Variants in RHOT2 observed in about 807,000 individuals in gnomAD.
The protein encoded by RHOT2 is mitochondrial Rho GTPase 2.
RHOT2 carries 90 observed loss-of-function variants against 81.6 expected under a neutral mutation model. The observed-to-expected ratio is 1.10, with a 90% confidence interval of 0.93 to 1.31. The LOEUF (loss-of-function observed/expected upper bound fraction) is 1.31. RHOT2 is among the 40% of genes most tolerant of loss of function. RHOT2 has a pLI of 0.00. For synonymous variants in RHOT2, 512 were observed against 370.9 expected, an observed-to-expected ratio of 1.38 and a Z score of -4.37; for missense variants, 1,014 against 841.9, an observed-to-expected ratio of 1.20 and a Z score of -2.53.
chr16:668,669 G>T lies in RHOT2; in HGVS notation c.192G>T (p.Thr64=), dbSNP rs1331737616. Residue 64 remains threonine (T), a synonymous_variant, in exon 4 of 19, where the codon ACG becomes ACT. Transcript: ENST00000315082. ...HIVDYSEAEQ[T]DEELREEIHK... ...TTGTCCCCCTAGAAGCCGAGCAGACGGACGAGGAGCTGCGGGAGGAGATCC... is the reference window on the plus strand; with the variant it reads ...TTGTCCCCCTAGAAGCCGAGCAGACTGACGAGGAGCTGCGGGAGGAGATCC... 4 of 1,605,572 alleles carry T rather than the reference G, an allele frequency of 2.5e-6. No individual in the cohort carries two copies. The highest frequency in any genetic ancestry group is 1.3e-5 in the African/African-American group (1 of 74,346).
chr16:669,997 C>G (rs567287289), intron 5 of RHOT2, 126 bp from the exon 6 acceptor site: 4 of 846,396 alleles, frequency 4.7e-6, no homozygotes, highest in East Asian at 2.7e-5. Context: ...GTTCCTGTGG[C>G]CGGGACTTGG....
At chr16:671,804 G>GGCCCGGGCCCCGCC in intron 12 of RHOT2, 23 bp downstream of exon 12, 1 of 1,592,514 alleles carries the variant, frequency 6.3e-7, no homozygotes, top group Non-Finnish European at 8.6e-7. Context: ...CGAGTCCCCT[G>GGCCCGGGCCCCGCC]CCCCTGCCCC....
Position 668,479 on chromosome 16 carries a change from C to T in RHOT2, c.97-9C>T, listed in dbSNP as rs750831280. The T allele has an allele frequency of 5.0e-5, 80 of 1,600,098 alleles. No homozygotes were observed. Among genetic ancestry groups the T allele is most frequent in the Non-Finnish European group, 6.3e-5 (74 of 1,174,646 alleles). Reference sequence around the variant, plus strand: ...GGGGGTCCCTGGTGAGCGCGCGGGTCCCTTGCAGGTCCCTCCCCGCGCGGA... The same window carrying T: ...GGGGGTCCCTGGTGAGCGCGCGGGTTCCTTGCAGGTCCCTCCCCGCGCGGA... On this transcript the variant is annotated splice_polypyrimidine_tract_variant and intron_variant, in intron 2 of 18. Transcript: ENST00000315082.
chr16:670,216 CCTGCCCCTG>C, intron 6 of RHOT2, 24 bp from the exon 7 acceptor site: 2 of 1,611,724 alleles, frequency 1.2e-6, no homozygotes, highest in South Asian at 2.2e-5. Context: ...CCCTGGCTCC[CCTGCCCCTG>C]GTGACCATGG....
rs140104642 is a variant in RHOT2, at chr16:670,945, G to A, written c.693G>A (p.Thr231=). ...LAPQALEDVK[T]VVCRNVAGGV... ...CGCAGGCCCTGGAGGACGTGAAGAC[G>A]GTGGTGTGCAGGAACGTGGCGGGCG... Residue 231 remains threonine, a synonymous_variant, in exon 10 of 19, where the codon ACG becomes ACA. Transcript: ENST00000315082. The A allele has an allele frequency of 4.2e-4, 656 of 1,571,668 alleles. 2 individuals carry two copies. The African/African-American group carries it at 6.5e-3, about 16-fold the overall frequency.
At position 668,470 on chromosome 16, in the gene RHOT2, C is replaced by T. The variant is rs913206477; in HGVS notation, c.97-18C>T. The T allele has an allele frequency of 6.3e-6, 10 of 1,592,756 alleles. No individual in the cohort carries two copies. The highest frequency in any genetic ancestry group is 1.7e-5 in the Admixed American group (1 of 58,066). On this transcript the variant is annotated intron_variant, in intron 2 of 18. Transcript: ENST00000315082. ...GGCCCAGCCGGGGGTCCCTGGTGAG[C>T]GCGCGGGTCCCTTGCAGGTCCCTCC...
In RHOT2 at chr16:669,359, G is replaced by T. The variant is rs1344439692; in HGVS notation, c.223-194G>T. On this transcript the variant is annotated intron_variant, in intron 4 of 18. Transcript: ENST00000315082. The stretch of plus-strand genomic sequence containing the variant: ...GCAGCAGCTCCCAGTGTGACACTGG[G>T]GAGTGCCTGCTCTGCCAACACCAGG... 3 of 617,384 alleles carry T rather than the reference G, an allele frequency of 4.9e-6. No homozygotes were observed. In the South Asian group the frequency reaches 5.5e-5, roughly 11 times the overall value. 38.2% of individuals were successfully genotyped at this position (617,384 alleles called of 1,614,324 possible). A position where few individuals can be genotyped will look rare whatever the true frequency, so the allele number is the denominator to read the frequency against.
In RHOT2 at chr16:672,513, C is replaced by A. The variant is rs1314847503; in HGVS notation, c.1351C>A (p.Pro451Thr). 1.2e-6 allele frequency: 2 copies of A among 1,612,526 alleles called. No homozygotes were observed. Among genetic ancestry groups the A allele is most frequent in the Non-Finnish European group, 1.7e-6 (2 of 1,179,926 alleles). ...LGHQDTREQP[P>T]GYAIDTVQVN... ...GCACCAGGACACGAGGGAGCAGCCT[C>A]CCGGCTACGCCATCGACACGGTGCA... Residue 451 changes from proline to threonine, a missense_variant, in exon 16 of 19, where the codon CCC becomes ACC. Physicochemically the swap from Pro to Thr is conservative, Grantham distance 38 (BLOSUM62 -1). Coordinates refer to ENST00000315082, the MANE Select transcript of RHOT2 (RefSeq NM_138769.3).
rs200062231 is a variant in RHOT2 at position 669,820 on chromosome 16, GCAGTC to G, written c.276+216_276+220del. On this transcript the variant is annotated intron_variant, in intron 5 of 18. Coordinates refer to ENST00000315082, the MANE Select transcript of RHOT2 (RefSeq NM_138769.3). ...CCCGCAGTCTGAGCCATTGAGGCCG[GCAGTC>G]CTCTTTCTTCCCCAGTTTCCAAACC... The G allele has an allele frequency of 5.3e-3, 3,335 of 623,990 alleles. 72 individuals carry two copies. Among genetic ancestry groups the G allele is most frequent in the African/African-American group, 0.045 (2,437 of 54,522 alleles). The allele number at this position is 623,990 out of a possible 1,614,324, so 38.7% of individuals were successfully genotyped here.
rs1363129683 is a variant in RHOT2, at chr16:673,769, T to C, written c.*163T>C. 5.6e-5 allele frequency: 49 copies of C among 874,672 alleles called. No homozygotes were observed. The highest frequency in any genetic ancestry group is 6.9e-4 in the Middle Eastern group (2 of 2,896). 54.2% of individuals were successfully genotyped at this position (874,672 alleles called of 1,614,324 possible). ...GCAGTCGATCTGCAGCGGGGCCTTA[T>C]GCTGCCATGCACTGCCCTGGCTCCT... is the stretch of plus-strand genomic sequence containing the variant. On this transcript the variant is annotated 3_prime_UTR_variant, in exon 19 of 19. Coordinates refer to ENST00000315082, the MANE Select transcript of RHOT2 (RefSeq NM_138769.3).
At position 673,728 on chromosome 16, in the gene RHOT2, C is replaced by CT. The variant is rs2039337703; in HGVS notation, c.*127dup. ...CTCCGGGAACGCCTTTGCGCCGGGA[C>CT]TTTTTGTTTCTGAAGGCAGTCGATC... is the stretch of plus-strand genomic sequence containing the variant. On this transcript the variant is annotated 3_prime_UTR_variant, in exon 19 of 19. Coordinates refer to ENST00000315082, the MANE Select transcript of RHOT2 (RefSeq NM_138769.3). The CT allele has an allele frequency of 7.9e-7, 1 of 1,265,500 alleles. No homozygotes were observed. Among genetic ancestry groups the CT allele is most frequent in the African/African-American group, 1.5e-5 (1 of 65,346 alleles). The allele number at this position is 1,265,500 out of a possible 1,614,324, so 78.4% of individuals were successfully genotyped here.
intron 4 of RHOT2, chr16:669,171 A>C: frequency 2.5e-6 from 1 of 396,580 alleles, no homozygotes; most frequent in Non-Finnish European, 4.6e-6. Context: ...GGGGGGAGGC[A>C]GGGGCCAAGG....
intron 11 of RHOT2, among the ~76,000 whole-genome samples, 183 bp from the exon 12 acceptor site, chr16:671,514 C>A (rs1034799671): frequency 6.6e-6 from 1 of 152,174 alleles, no homozygotes; most frequent in Non-Finnish European, 1.5e-5. Context: ...AGGCCTCCCA[C>A]GTGCTGGAGC....
intron 4 of RHOT2, chr16:669,167 A>AG (rs2038463709): frequency 2.6e-6 from 1 of 388,438 alleles, no homozygotes; most frequent in Non-Finnish European, 4.7e-6. Flanking sequence ...GCGAGGGGGG[A>AG]GGCAGGGGCC....
rs1210920771 is a variant in RHOT2 at position 671,846 on chromosome 16, C to T, written c.955-14C>T. On this transcript the variant is annotated splice_polypyrimidine_tract_variant and intron_variant, in intron 12 of 18. Transcript: ENST00000315082. ...CTCCCCGGCACACACATCACCACAT[C>T]CCTCCTTCTGCAGGACCGCGACGGC... 1.0e-5 allele frequency: 14 copies of T among 1,396,708 alleles called. No homozygotes were observed. The East Asian group carries it at 1.2e-4, about 12-fold the overall frequency. 86.5% of individuals were successfully genotyped at this position (1,396,708 alleles called of 1,614,324 possible).
Position 673,473 on chromosome 16 carries a change from CTT to C in RHOT2, c.1731-6_1731-5del. ...AGGTATCTGCAGATGATTCTTCTCT[CTT>C]GCAGACATTTGGTCCACGCAGAGCT... On this transcript the variant is annotated splice_region_variant and splice_polypyrimidine_tract_variant and intron_variant, in intron 18 of 18. Transcript: ENST00000315082. The C allele has an allele frequency of 1.2e-6, 2 of 1,612,668 alleles. No homozygotes were observed. The highest frequency in any genetic ancestry group is 1.1e-5 in the South Asian group (1 of 91,084).
rs2038272507 is a variant in RHOT2 at position 668,362 on chromosome 16, G to T, written c.47G>T (p.Gly16Val). ...RILLLGEAQV[G>V]KTSLILSLVG... ...GCCTCGCCCCGCGCAGCCCAGGTGG[G>T]GAAGACGTCGCTGATCCTGTCCCTG... Residue 16 changes from glycine to valine, a missense_variant, in exon 2 of 19, where the codon GGG becomes GTG. Gly to Val is a moderately radical substitution (Grantham distance 109, BLOSUM62 -3). Coordinates refer to ENST00000315082, the MANE Select transcript of RHOT2 (RefSeq NM_138769.3). 2.1e-6 allele frequency: 3 copies of T among 1,425,820 alleles called. No homozygotes were observed. Among genetic ancestry groups the T allele is most frequent in the Non-Finnish European group, 2.7e-6 (3 of 1,097,142 alleles). 88.3% of individuals were successfully genotyped at this position (1,425,820 alleles called of 1,614,324 possible).
Position 670,912 on chromosome 16 carries a change from C to T in RHOT2, c.660C>T (p.Pro220=), listed in dbSNP as rs958594273. 1 of 1,570,390 alleles carries T rather than the reference C, an allele frequency of 6.4e-7. No homozygotes were observed. The highest frequency in any genetic ancestry group is 8.7e-7 in the Non-Finnish European group (1 of 1,154,602). ...AGCAGAAATCCTGCTTTGGGCACCC[C>T]CTGGCCCCGCAGGCCCTGGAGGACG... ...NAFQKSCFGH[P]LAPQALEDVK... is the part of the protein sequence containing the mutation. The change falls in exon 10 of 19, where the codon CCC becomes CCT. Residue 220 remains proline, a synonymous_variant. Transcript: ENST00000315082.
At chr16:673,156 G>T in intron 18 of RHOT2, 26 bp downstream of exon 18, 1 of 1,602,812 alleles carries the variant, frequency 6.2e-7, no homozygotes. Flanking sequence ...CGCAGCCCTG[G>T]GGACTAGCAG....
Sources: allele counts gnomAD v4.1 joint callset (sites outside exome capture counted in the v4.1 genomes callset), GRCh38; gene constraint gnomAD v4.1.1; transcripts MANE v1.5; gene names NCBI Gene and HGNC (gene_info 2026-07-23, HGNC 2026-07-21).